The following SHQ1 variants were observed in gnomAD, a reference collection of about 807,000 sequenced individuals.
SHQ1 encodes the protein SHQ1, H/ACA ribonucleoprotein assembly factor.
SHQ1 carries 49 observed loss-of-function variants against 53.8 expected under a neutral mutation model. That is an observed-to-expected ratio of 0.91 (90% CI 0.72 to 1.16). SHQ1 has a LOEUF of 1.16. Ranked by LOEUF, SHQ1 falls within the 50% of genes most tolerant of loss-of-function variation. The pLI is 0.00. For synonymous variants in SHQ1, 243 were observed against 251.0 expected (o/e 0.97, Z 0.30); for missense variants, 738 against 683.1 (o/e 1.08, Z -0.90).
intron 1 of SHQ1, 46 bp downstream of exon 1, chr3:72,848,152 T>C (rs747203350): frequency 1.2e-6 from 2 of 1,610,718 alleles, no homozygotes; most frequent in African/African-American, 1.3e-5. Context: ...CTAAAGCAGC[T>C]ATCTAACGAA....
chr3:72,840,242 TAAAA>T (rs71623990), intron 4 of SHQ1, among the ~76,000 whole-genome samples: 3 of 93,590 alleles, frequency 3.2e-5, no homozygotes, highest in African/African-American at 1.3e-4. Flanking sequence ...GACTCTGTCT[TAAAA>T]AAAAAAAAAA....
At position 72,842,238 on chromosome 3, in the gene SHQ1, T is replaced by C. The variant is rs932253642; in HGVS notation, c.331+42A>G. 3.1e-6 allele frequency: 5 copies of C among 1,599,842 alleles called. No individual in the cohort carries two copies. The African/African-American group carries it at 6.7e-5, about 21-fold the overall frequency. On this transcript the variant is annotated intron_variant, in intron 3 of 10. Coordinates refer to ENST00000325599, the MANE Select transcript of SHQ1 (RefSeq NM_018130.3). ...CTACAAATACACAGCATTCCAAATA[T>C]TTCTATTTATCCTAATTTCCTCCCA...
chr3:72,777,531 A>C (rs968205156), intron 10 of SHQ1, among the ~76,000 whole-genome samples: 1 of 152,236 alleles, frequency 6.6e-6, no homozygotes, highest in African/African-American at 2.4e-5. Flanking sequence ...AAATCGTAAA[A>C]TCTGAACCAT....
intron 6 of SHQ1, among the ~76,000 whole-genome samples, chr3:72,821,657 A>C (rs895441225): frequency 3.9e-5 from 6 of 152,236 alleles, no homozygotes; most frequent in Non-Finnish European, 5.9e-5. Context: ...GCGACACCTG[A>C]TGAGGAGGTG....
chr3:72,823,140 C>T (rs993273463), intron 6 of SHQ1, among the ~76,000 whole-genome samples: 4 of 136,192 alleles, frequency 2.9e-5, no homozygotes, highest in Non-Finnish European at 4.7e-5. Flanking sequence ...CAGAGCAAGA[C>T]TCCGTCTCAA....
chr3:72,742,622 T>TTTC, the SHQ1 span, among the ~76,000 whole-genome samples: 485 of 147,374 alleles, frequency 3.3e-3, 3 homozygotes, highest in Middle Eastern at 0.021. Context: ...TTTTTTTCTT[T>TTTC]TTTTTTTTTT....
At chr3:72,771,470 A>T (rs1203770638) in intron 10 of SHQ1, among the ~76,000 whole-genome samples, 1 of 152,242 alleles carries the variant, frequency 6.6e-6, no homozygotes, top group African/African-American at 2.4e-5. Context: ...AATATGAAGA[A>T]TTTCAGCTAG....
At chr3:72,823,266 CTT>C (rs1411005040) in intron 6 of SHQ1, among the ~76,000 whole-genome samples, 2 of 151,618 alleles carry the variant, frequency 1.3e-5, no homozygotes, top group African/African-American at 4.8e-5. Flanking sequence ...CTCACCTAAA[CTT>C]TAATAAAACT....
chr3:72,830,399 T>C (rs1348908568), intron 5 of SHQ1, among the ~76,000 whole-genome samples: 2 of 152,100 alleles, frequency 1.3e-5, no homozygotes, highest in African/African-American at 2.4e-5. Flanking sequence ...TAATATTATA[T>C]ACATTATGTA....
intron 9 of SHQ1, among the ~76,000 whole-genome samples, chr3:72,808,880 A>G (rs1285629214): frequency 6.6e-6 from 1 of 152,166 alleles, no homozygotes; most frequent in Non-Finnish European, 1.5e-5. Flanking sequence ...ACTTGTAGAG[A>G]GAGAAACTAA....
intron 10 of SHQ1, among the ~76,000 whole-genome samples, chr3:72,763,102 T>C (rs1378577146): frequency 1.3e-5 from 2 of 151,480 alleles, no homozygotes; most frequent in East Asian, 3.9e-4. Flanking sequence ...CTTTAAATAA[T>C]TTCTAGTACA....
chr3:72,816,628 T>A (rs1707327377), intron 7 of SHQ1, among the ~76,000 whole-genome samples: 2 of 152,210 alleles, frequency 1.3e-5, no homozygotes, highest in South Asian at 2.1e-4. Flanking sequence ...AAGTCTATAT[T>A]ATTTTTTAAA....
At chr3:72,821,412 C>T (rs935682196) in intron 6 of SHQ1, among the ~76,000 whole-genome samples, 4 of 152,118 alleles carry the variant, frequency 2.6e-5, no homozygotes, top group Admixed American at 6.6e-5. Context: ...TTTAACACTT[C>T]CATTTACAAG....
rs531004140 is a variant in SHQ1, at chr3:72,806,175, G to A, written c.1060+6496C>T. On this transcript the variant is annotated intron_variant, in intron 9 of 10. Transcript: ENST00000325599. ...ACATAGACTTGTACTCCAAGGAAGA[G>A]ACAAGAGTAAAAAGAATTCACTTTG... Among the ~76,000 whole-genome samples the A allele has an allele frequency of 2.0e-5, 3 of 152,306 alleles. No individual in the cohort carries two copies. In the South Asian group the frequency reaches 6.2e-4, roughly 32 times the overall value.
chr3:72,733,049 T>C, the SHQ1 span, among the ~76,000 whole-genome samples: 1 of 151,504 alleles, frequency 6.6e-6, no homozygotes, highest in Non-Finnish European at 1.5e-5. Flanking sequence ...CCAGGAGAGC[T>C]TGAAAGGAGG....
intron 1 of SHQ1, among the ~76,000 whole-genome samples, chr3:72,847,152 A>G (rs535964180): frequency 2.0e-5 from 3 of 152,344 alleles, no homozygotes; most frequent in East Asian, 1.9e-4. Flanking sequence ...CAATAAATAA[A>G]TTAAAGAAAT....
At chr3:72,776,074 G>C (rs1705953103) in intron 10 of SHQ1, among the ~76,000 whole-genome samples, 1 of 152,126 alleles carries the variant, frequency 6.6e-6, no homozygotes, top group South Asian at 2.1e-4. Flanking sequence ...AGACTGAAAA[G>C]GAAGAAACCA....
At chr3:72,751,102 A>C (rs186271376) in intron 10 of SHQ1, among the ~76,000 whole-genome samples, 3 of 152,292 alleles carry the variant, frequency 2.0e-5, no homozygotes, top group Admixed American at 1.3e-4. Context: ...AAGACTGATA[A>C]ATTCAACTAA....
chr3:72,797,136 T>C (rs571871117), intron 9 of SHQ1, among the ~76,000 whole-genome samples: 8 of 151,972 alleles, frequency 5.3e-5, no homozygotes, highest in Non-Finnish European at 8.8e-5. Context: ...CAGGTGCCTG[T>C]AGCCCCAGCT....
Sources: allele counts gnomAD v4.1 joint callset (sites outside exome capture counted in the v4.1 genomes callset), GRCh38; gene constraint gnomAD v4.1.1; transcripts MANE v1.5; gene names NCBI Gene and HGNC (gene_info 2026-07-23, HGNC 2026-07-21).